PANK2: variants seen among roughly 807,000 people sequenced by gnomAD.
PANK2 encodes the protein pantothenate kinase 2, mitochondrial.
In PANK2, 36 loss-of-function variants were observed where a neutral mutation model predicts 43.1. The ratio of observed to expected loss-of-function variants is 0.84; its 90% CI spans 0.64 to 1.10. PANK2 has a LOEUF of 1.10. Ranked by LOEUF, PANK2 falls within the 50% of genes least tolerant of loss-of-function variation. The pLI, the probability that PANK2 is intolerant of heterozygous loss-of-function variation, is 0.00. For missense variants in PANK2, 576 were observed against 593.3 expected (o/e 0.97, Z 0.30); for synonymous variants, 281 against 238.2 (o/e 1.18, Z -1.66).
chr20:3,889,920 C>T lies in PANK2; in HGVS notation c.298+192C>T, dbSNP rs1218407645. 3.3e-6 allele frequency: 5 copies of T among 1,531,958 alleles called. No homozygotes were observed. In the South Asian group the frequency reaches 3.6e-5, roughly 11 times the overall value. The allele number at this position is 1,531,958 out of a possible 1,614,324, so 94.9% of individuals were successfully genotyped here. On this transcript the variant is annotated intron_variant, in intron 1 of 6. Coordinates refer to ENST00000610179, the MANE Select transcript of PANK2 (RefSeq NM_001386393.1). ...CGAAAGCGGTACCTTCGGGGGCCCCCCCGCACCCATTGGTATGCACTTCCC... is the reference window on the plus strand; with the variant it reads ...CGAAAGCGGTACCTTCGGGGGCCCCTCCGCACCCATTGGTATGCACTTCCC...
At chr20:3,922,518 C>T (rs986004162) in intron 6 of PANK2, among the ~76,000 whole-genome samples, 1 of 152,152 alleles carries the variant, frequency 6.6e-6, no homozygotes. Context: ...TTCACGTTAC[C>T]TTTGGGTGGT....
chr20:3,916,127 A>G lies in PANK2; in HGVS notation c.1083-800A>G, dbSNP rs571877366. ...ATTTAGATCTTTGCTTTCTTTCAGC[A>G]GTGTTTTGTAGATTTTATTGTACAG... On this transcript the variant is annotated intron_variant, in intron 4 of 6. Coordinates refer to ENST00000610179, the MANE Select transcript of PANK2 (RefSeq NM_001386393.1). Among the ~76,000 whole-genome samples, 257 of 152,316 alleles carry G rather than the reference A, an allele frequency of 1.7e-3. 1 individual carries two copies. The highest frequency in any genetic ancestry group is 6.0e-3 in the African/African-American group (248 of 41,574).
rs1372845318 is a variant in PANK2, at chr20:3,927,137, AC to A, written c.*3848del. On this transcript the variant is annotated 3_prime_UTR_variant, in exon 7 of 7. Transcript: ENST00000610179. ...TGACACACTCTTCACCACTGACCCCACCCCCGCTTGCACACTATGCCACAGG... is the reference window on the plus strand; with the variant it reads ...TGACACACTCTTCACCACTGACCCCACCCCGCTTGCACACTATGCCACAGG... 6.6e-6 allele frequency among the ~76,000 whole-genome samples: 1 copy of A among 151,410 alleles called. No individual in the cohort carries two copies. Among genetic ancestry groups the A allele is most frequent in the East Asian group, 1.9e-4 (1 of 5,150 alleles).
At chr20:3,889,140 G>A (rs766040462), upstream of PANK2, 5 of 1,568,062 alleles carry the variant, frequency 3.2e-6, no homozygotes, top group East Asian at 2.4e-5. Context: ...CGTCCATTGG[G>A]CGGCGCCGCC....
intron 1 of PANK2, among the ~76,000 whole-genome samples, chr20:3,907,493 T>C (rs935637551): frequency 4.6e-5 from 7 of 152,200 alleles, no homozygotes; most frequent in Non-Finnish European, 1.0e-4. Flanking sequence ...TTGGAGGTTA[T>C]ATGTTACATA....
chr20:3,892,709 C>T (rs575486938), intron 1 of PANK2, among the ~76,000 whole-genome samples: 21 of 151,476 alleles, frequency 1.4e-4, no homozygotes, highest in Non-Finnish European at 2.6e-4. Context: ...TCTGATACCG[C>T]ACTACTTGTC....
At chr20:3,918,562 C>G (rs796836331) in intron 5 of PANK2, 109 bp from the exon 6 acceptor site, 6 of 1,448,324 alleles carry the variant, frequency 4.1e-6, no homozygotes, top group Non-Finnish European at 1.9e-6. Context: ...ATTTGATCAG[C>G]AGTCAAATTG....
rs1261818912 is a variant in PANK2 at position 3,928,188 on chromosome 20, GAC to G, written c.*4899_*4900del. On this transcript the variant is annotated 3_prime_UTR_variant, in exon 7 of 7. Coordinates refer to ENST00000610179, the MANE Select transcript of PANK2 (RefSeq NM_001386393.1). ...GAAATCTGTAACAGCTACAGGAAAA[GAC>G]ACACCCAGGGCCAGAGATTCTACAA... The G allele has an allele frequency of 6.6e-6, 1 of 152,192 alleles. No homozygotes were observed. Among genetic ancestry groups the G allele is most frequent in the African/African-American group, 2.4e-5 (1 of 41,444 alleles). The allele number at this position is 152,192 out of a possible 1,614,324, so 9.4% of individuals were successfully genotyped here.
chr20:3,917,969 C>T (rs1333730226), intron 5 of PANK2, among the ~76,000 whole-genome samples: 3 of 152,146 alleles, frequency 2.0e-5, no homozygotes, highest in South Asian at 4.1e-4. Flanking sequence ...AATAACAGAG[C>T]TTGGCATTTG....
Position 3,920,504 on chromosome 20 carries a change from G to A in PANK2, c.1332+1708G>A, listed in dbSNP as rs545388910. Among the ~76,000 whole-genome samples the A allele has an allele frequency of 2.7e-5, 4 of 147,944 alleles. No individual in the cohort carries two copies. The South Asian group carries it at 6.5e-4, about 24-fold the overall frequency. On this transcript the variant is annotated intron_variant, in intron 6 of 6. Transcript: ENST00000610179. ...TGTACTACAGCCTGGGCAACAGAAC[G>A]AGACTCTGTCTCAAAAACAAAAACA... is the stretch of plus-strand genomic sequence containing the variant.
intron 4 of PANK2, among the ~76,000 whole-genome samples, chr20:3,913,659 A>G (rs949540615): frequency 2.0e-5 from 3 of 151,094 alleles, no homozygotes; most frequent in Middle Eastern, 3.4e-3. Context: ...CATTACGTGG[A>G]TAATACTACA....
Position 3,889,578 on chromosome 20 carries a change from C to T in PANK2, c.148C>T (p.Gln50Ter). Residue 50 changes from glutamine to a stop codon, truncating the protein, a stop_gained, in exon 1 of 7, where the codon CAG (glutamine) becomes TAG (stop). Transcript: ENST00000610179. LOFTEE classifies it high-confidence loss of function. ...GGCCGGGGACCCCGAAGGGCGGCGG[C>T]AGGAGCCACTGCGGCGCCGGGCGAG... The T allele has an allele frequency of 2.7e-6, 4 of 1,471,944 alleles. No individual in the cohort carries two copies. The highest frequency in any genetic ancestry group is 3.6e-6 in the Non-Finnish European group (4 of 1,119,862). 91.2% of individuals were successfully genotyped at this position (1,471,944 alleles called of 1,614,324 possible). A position where few individuals can be genotyped will look rare whatever the true frequency, so the allele number is the denominator to read the frequency against.
chr20:3,900,489 T>G (rs1277143840), intron 1 of PANK2, among the ~76,000 whole-genome samples: 3 of 151,976 alleles, frequency 2.0e-5, no homozygotes, highest in African/African-American at 7.2e-5. Context: ...TTTTATAATG[T>G]GTAATACTTT....
chr20:3,908,285 A>G lies in PANK2; in HGVS notation c.651+7A>G, dbSNP rs747926379. ...TGAGCAGGATTTTCTCACAGTATGC[A>G]TTTTTTAGCTTATATACAATTTATG... On this transcript the variant is annotated splice_region_variant and intron_variant, in intron 2 of 6. Transcript: ENST00000610179. 3.2e-6 allele frequency: 5 copies of G among 1,583,038 alleles called. No individual in the cohort carries two copies. The highest frequency in any genetic ancestry group is 1.1e-5 in the South Asian group (1 of 90,400).
At position 3,923,558 on chromosome 20, in the gene PANK2, G is replaced by A. The variant is rs2146905631; in HGVS notation, c.*264G>A. 1.5e-5 allele frequency: 8 copies of A among 533,342 alleles called. No individual in the cohort carries two copies. The South Asian group carries it at 1.5e-4, about 10-fold the overall frequency. 33.0% of individuals were successfully genotyped at this position (533,342 alleles called of 1,614,324 possible). A position where few individuals can be genotyped will look rare whatever the true frequency, so the allele number is the denominator to read the frequency against. ...TTGCTGTATATAAGTTGCCTGCTTT[G>A]TATTTTTGAAATCTCTGCATCACTC... is the stretch of plus-strand genomic sequence containing the variant. On this transcript the variant is annotated 3_prime_UTR_variant, in exon 7 of 7. Transcript: ENST00000610179.
At position 3,900,332 on chromosome 20, in the gene PANK2, C is replaced by A. The variant is rs542043769; in HGVS notation, c.299-7594C>A. On this transcript the variant is annotated intron_variant, in intron 1 of 6. Coordinates refer to ENST00000610179, the MANE Select transcript of PANK2 (RefSeq NM_001386393.1). ...GGGGCGTGATTGTCTGGAGGGGCAC[C>A]TCTTGTAATGTGAGCATAGCTCTTT... 2.6e-5 allele frequency among the ~76,000 whole-genome samples: 4 copies of A among 151,738 alleles called. No homozygotes were observed. The South Asian group carries it at 8.4e-4, about 32-fold the overall frequency.
intron 6 of PANK2, among the ~76,000 whole-genome samples, chr20:3,922,329 G>A (rs1015055122): frequency 6.6e-6 from 1 of 152,158 alleles, no homozygotes; most frequent in African/African-American, 2.4e-5. Context: ...TTTCTCTAAT[G>A]TGCTATTCCT....
chr20:3,889,428 A>T lies in PANK2; in HGVS notation c.-3A>T. ...CGCGGAGGAGGCGAGAAGGAATCCG[A>T]CGCTGGGGGGCTTGCTCGGGCGGCA... On this transcript the variant is annotated 5_prime_UTR_variant, in exon 1 of 7. Transcript: ENST00000610179. 6.4e-7 allele frequency: 1 copy of T among 1,565,846 alleles called. No individual in the cohort carries two copies.
chr20:3,910,591 G>A lies in PANK2; in HGVS notation c.666G>A (p.Gln222=). 6.2e-7 allele frequency: 1 copy of A among 1,614,082 alleles called. No individual in the cohort carries two copies. The highest frequency in any genetic ancestry group is 1.1e-5 in the South Asian group (1 of 91,078). The stretch of plus-strand genomic sequence containing the variant: ...TTTCATTACAGATAGGTGATCTTCA[G>A]CTTTGCAAACTGGATGAACTAGATT... The change falls in exon 3 of 7, where the codon CAG becomes CAA. Residue 222 remains glutamine, a synonymous_variant. Transcript: ENST00000610179.
Sources: gnomAD v4.1 joint callset for allele counts (sites outside exome capture counted in the v4.1 genomes callset) on GRCh38, gnomAD v4.1.1 for gene constraint, MANE v1.5 for transcripts, NCBI Gene and HGNC (gene_info 2026-07-23, HGNC 2026-07-21) for gene names.